Variants in PRUNE2 observed in about 807,000 individuals in gnomAD.
PRUNE2 encodes protein prune homolog 2.
In PRUNE2, 164 loss-of-function variants were observed where a neutral mutation model predicts 252.0. That is an observed-to-expected ratio of 0.65 (90% confidence interval 0.57 to 0.74). The LOEUF is 0.74. Among genes scored for constraint, PRUNE2 ranks in the 30% least tolerant of loss-of-function variants. PRUNE2 has a pLI of 0.00. For synonymous variants in PRUNE2, 1,292 were observed against 1,350.2 expected (o/e 0.96, Z 0.94); for missense variants, 3,495 against 3,711.0 (o/e 0.94, Z 1.51).
chr9:76,872,600 AACACACACACACACACACACACACAC>A (rs71354690), intron 1 of PRUNE2, among the ~76,000 whole-genome samples: 2 of 139,364 alleles, frequency 1.4e-5, no homozygotes, highest in Non-Finnish European at 1.5e-5. Context: ...GATTATGGAA[AACACACACACACACACACACACACAC>A]ACACACACAC....
chr9:76,805,296 C>T (rs552023318), intron 6 of PRUNE2, among the ~76,000 whole-genome samples: 11 of 152,174 alleles, frequency 7.2e-5, no homozygotes, highest in Non-Finnish European at 1.5e-4. Flanking sequence ...GCAAGACCAG[C>T]AGAATCATGA....
intron 6 of PRUNE2, among the ~76,000 whole-genome samples, chr9:76,758,347 C>A (rs1168487112): frequency 1.3e-5 from 2 of 152,152 alleles, no homozygotes; most frequent in Non-Finnish European, 2.9e-5. Context: ...AAGGAATCTG[C>A]ATGCATAACT....
chr9:76,867,064 C>T (rs1174083595), intron 1 of PRUNE2, among the ~76,000 whole-genome samples: 1 of 152,038 alleles, frequency 6.6e-6, no homozygotes, highest in Admixed American at 6.6e-5. Flanking sequence ...ATAAGAAGCC[C>T]AAATTCTGAG....
intron 3 of PRUNE2, among the ~76,000 whole-genome samples, chr9:76,848,082 G>A (rs1025353219): frequency 1.3e-5 from 2 of 152,148 alleles, no homozygotes; most frequent in Non-Finnish European, 2.9e-5. Flanking sequence ...TGGCCAACAC[G>A]GTGAAACCCC....
intron 9 of PRUNE2, among the ~76,000 whole-genome samples, chr9:76,682,016 T>C (rs2043494351): frequency 6.6e-6 from 1 of 152,060 alleles, no homozygotes; most frequent in African/African-American, 2.4e-5. Flanking sequence ...CTGAGAGTCA[T>C]GGGAAGTGGC....
At chr9:76,885,236 G>A (rs2062020407) in intron 1 of PRUNE2, among the ~76,000 whole-genome samples, 1 of 152,242 alleles carries the variant, frequency 6.6e-6, no homozygotes, top group African/African-American at 2.4e-5. Flanking sequence ...TTCATATGAA[G>A]ACATAATGGT....
chr9:76,738,254 C>G (rs931312343), intron 6 of PRUNE2: 1 of 152,132 alleles, frequency 6.6e-6, no homozygotes, highest in African/African-American at 2.4e-5. Flanking sequence ...ACTGTTTAAA[C>G]ACGGGTTTTT....
At chr9:76,860,780 C>A (rs1406031507) in intron 1 of PRUNE2, among the ~76,000 whole-genome samples, 1 of 152,088 alleles carries the variant, frequency 6.6e-6, no homozygotes, top group Non-Finnish European at 1.5e-5. Flanking sequence ...AATGAAGAAA[C>A]AAGAGAGAAA....
intron 10 of PRUNE2, among the ~76,000 whole-genome samples, chr9:76,653,660 G>C (rs1848235337): frequency 6.6e-6 from 1 of 152,090 alleles, no homozygotes; most frequent in South Asian, 2.1e-4. Flanking sequence ...CATGTTCACA[G>C]ACACTCCCAA....
chr9:76,746,509 T>C (rs1395082641), intron 6 of PRUNE2, among the ~76,000 whole-genome samples: 1 of 151,224 alleles, frequency 6.6e-6, no homozygotes, highest in East Asian at 1.9e-4. Flanking sequence ...ATCGAGACCA[T>C]CCTGGCTAAC....
chr9:76,614,761 T>C (rs1431887988), intron 18 of PRUNE2, among the ~76,000 whole-genome samples, 161 bp from the exon 19 acceptor site: 2 of 152,178 alleles, frequency 1.3e-5, no homozygotes, highest in Non-Finnish European at 2.9e-5. Context: ...TAAAACCCAA[T>C]CCTCCTCTTG....
At chr9:76,751,411 A>G (rs1450208479) in intron 6 of PRUNE2, among the ~76,000 whole-genome samples, 1 of 152,246 alleles carries the variant, frequency 6.6e-6, no homozygotes, top group Non-Finnish European at 1.5e-5. Context: ...GCTTAATGCC[A>G]GCACAGATAT....
At chr9:76,862,734 A>T (rs1420004759) in intron 1 of PRUNE2, 1 of 152,190 alleles carries the variant, frequency 6.6e-6, no homozygotes, top group Non-Finnish European at 1.5e-5. Flanking sequence ...CCTAATTCCC[A>T]GTTAATTACT....
intron 18 of PRUNE2, among the ~76,000 whole-genome samples, chr9:76,616,496 A>G (rs1231184051): frequency 6.6e-6 from 1 of 152,200 alleles, no homozygotes; most frequent in East Asian, 1.9e-4. Flanking sequence ...ATAGTCTTGG[A>G]AGCTTAAAAG....
intron 6 of PRUNE2, chr9:76,787,116 C>G (rs975125729): frequency 3.0e-4 from 45 of 152,146 alleles, no homozygotes; most frequent in Admixed American, 2.7e-3. Flanking sequence ...TCTGCCCTAT[C>G]AATTTTTTAA....
At chr9:76,690,035 G>A (rs114425220) in intron 9 of PRUNE2, among the ~76,000 whole-genome samples, 36 of 152,194 alleles carry the variant, frequency 2.4e-4, no homozygotes, top group African/African-American at 8.7e-4. Flanking sequence ...CCTCTTATGG[G>A]GCCAGAAGTT....
chr9:76,812,910 T>G lies in PRUNE2; in HGVS notation c.756+10722A>C, dbSNP rs537067689. On this transcript the variant is annotated intron_variant, in intron 6 of 18. Coordinates refer to ENST00000376718, the MANE Select transcript of PRUNE2 (RefSeq NM_015225.3). ...TTATTTGCAAGTTAAACACAGTCATTATAAAAATTAAATTACATAATTTGT... is the reference window on the plus strand; with the variant it reads ...TTATTTGCAAGTTAAACACAGTCATGATAAAAATTAAATTACATAATTTGT... Among the ~76,000 whole-genome samples the G allele has an allele frequency of 1.5e-4, 23 of 152,324 alleles. No individual in the cohort carries two copies. In the South Asian group the frequency reaches 4.6e-3, roughly 30 times the overall value.
chr9:76,798,164 A>T (rs910245208), intron 6 of PRUNE2, among the ~76,000 whole-genome samples: 2 of 152,188 alleles, frequency 1.3e-5, no homozygotes, highest in African/African-American at 2.4e-5. Context: ...AAAATTTACC[A>T]TCTTAACCAT....
chr9:76,672,427 G>T (rs2041692339), intron 9 of PRUNE2, among the ~76,000 whole-genome samples: 1 of 130,826 alleles, frequency 7.6e-6, no homozygotes. Flanking sequence ...CCTACAAAGA[G>T]ACTTAGACTC....
Sources: gnomAD v4.1 joint callset for allele counts (sites outside exome capture counted in the v4.1 genomes callset) on GRCh38, gnomAD v4.1.1 for gene constraint, MANE v1.5 for transcripts, NCBI Gene and HGNC (gene_info 2026-07-23, HGNC 2026-07-21) for gene names.